BCAS3: variants seen among roughly 807,000 people sequenced by gnomAD.
BCAS3 encodes the protein BCAS4/BCAS3 fusion.
A neutral mutation model predicts 116.1 loss-of-function variants in BCAS3; 53 were observed. The ratio of observed to expected loss-of-function variants is 0.46; its 90% CI spans 0.37 to 0.57. BCAS3 has a LOEUF of 0.57. Ranked by LOEUF, BCAS3 falls within the 20% of genes least tolerant of loss-of-function variation. BCAS3 has a pLI of 0.00. For synonymous variants in BCAS3, 391 were observed against 408.2 expected, an observed-to-expected ratio of 0.96 and a Z score of 0.51; for missense variants, 917 against 1,165.4, an observed-to-expected ratio of 0.79 and a Z score of 3.10.
intron 6 of BCAS3, among the ~76,000 whole-genome samples, chr17:60,760,831 T>C (rs1346444895): frequency 1.3e-5 from 2 of 152,172 alleles, no homozygotes; most frequent in Non-Finnish European, 2.9e-5. Flanking sequence ...TTCATCCTTA[T>C]GGATACCAGC....
At chr17:61,011,423 T>G (rs775530345) in intron 15 of BCAS3, among the ~76,000 whole-genome samples, 7 of 152,018 alleles carry the variant, frequency 4.6e-5, no homozygotes, top group Non-Finnish European at 1.5e-5. Flanking sequence ...AAAGATCTAT[T>G]TTTAAAGTTA....
At chr17:61,289,586 C>T (rs530770923) in intron 22 of BCAS3, among the ~76,000 whole-genome samples, 1 of 152,134 alleles carries the variant, frequency 6.6e-6, no homozygotes, top group Non-Finnish European at 1.5e-5. Flanking sequence ...TCCCCAAGTA[C>T]AGAGATGAAG....
intron 5 of BCAS3, among the ~76,000 whole-genome samples, chr17:60,739,022 C>T (rs1232303294): frequency 2.6e-5 from 4 of 151,968 alleles, no homozygotes; most frequent in Non-Finnish European, 4.4e-5. Context: ...CTTAGCATAT[C>T]ATTTTTACTA....
intron 14 of BCAS3, among the ~76,000 whole-genome samples, chr17:60,959,505 T>A (rs2061313134): frequency 6.6e-6 from 1 of 152,160 alleles, no homozygotes; most frequent in Non-Finnish European, 1.5e-5. Context: ...CTCCCCACAG[T>A]CAGTGAATAG....
At chr17:60,948,377 G>T (rs149607281) in intron 14 of BCAS3, among the ~76,000 whole-genome samples, 1,727 of 152,234 alleles carry the variant, frequency 0.011, 39 homozygotes, top group African/African-American at 0.039. Context: ...ACCCACTTCA[G>T]CCTCCCAAAG....
chr17:61,217,526 C>A lies in BCAS3; in HGVS notation c.2425+132962C>A, dbSNP rs894210749. On this transcript the variant is annotated intron_variant, in intron 22 of 23. Coordinates refer to ENST00000407086, the MANE Select transcript of BCAS3 (RefSeq NM_017679.5). The surrounding 1 kb of genome is among the most constrained non-coding windows in gnomAD (Gnocchi z 5.2). Reference sequence around the variant, plus strand: ...GGAAATCTTTCTTGAACAAGATAAACAGGAACTAAGAGCAGAAATGCTTTC... The same window carrying A: ...GGAAATCTTTCTTGAACAAGATAAAAAGGAACTAAGAGCAGAAATGCTTTC... Among the ~76,000 whole-genome samples the A allele has an allele frequency of 6.6e-6, 1 of 152,090 alleles. No individual in the cohort carries two copies. The highest frequency in any genetic ancestry group is 1.5e-5 in the Non-Finnish European group (1 of 68,016).
intron 6 of BCAS3, among the ~76,000 whole-genome samples, chr17:60,795,021 C>G (rs1170341802): frequency 6.6e-6 from 1 of 152,142 alleles, no homozygotes; most frequent in African/African-American, 2.4e-5. Flanking sequence ...AATATTGATT[C>G]TACCCATCTG....
rs191599019 is a variant in BCAS3 at position 60,758,927 on chromosome 17, A to T, written c.403+11648A>T. 1.2e-3 allele frequency among the ~76,000 whole-genome samples: 179 copies of T among 151,630 alleles called. 1 individual carries two copies. The highest frequency in any genetic ancestry group is 6.9e-3 in the Middle Eastern group (2 of 288). ...TAATTTCCATGTATTTGTATAGTTT[A>T]CAAAATTCATTTTGATGTTGATACT... On this transcript the variant is annotated intron_variant, in intron 6 of 23. Transcript: ENST00000407086.
At chr17:61,155,234 A>G (rs1311106206) in intron 22 of BCAS3, among the ~76,000 whole-genome samples, 1 of 152,136 alleles carries the variant, frequency 6.6e-6, no homozygotes, top group African/African-American at 2.4e-5. Flanking sequence ...ATTTTAAAAC[A>G]CACAGTTTGA....
intron 6 of BCAS3, among the ~76,000 whole-genome samples, chr17:60,769,235 C>T (rs190025717): frequency 1.8e-4 from 28 of 152,250 alleles, no homozygotes; most frequent in Middle Eastern, 3.4e-3. Context: ...CTGTGATAGG[C>T]AGGGGCAGGA....
chr17:61,046,095 TA>T (rs1330043774), intron 19 of BCAS3, among the ~76,000 whole-genome samples: 2 of 50,450 alleles, frequency 4.0e-5, no homozygotes, highest in Non-Finnish European at 6.5e-5. Context: ...TATATATATA[TA>T]ATATATATAT....
intron 7 of BCAS3, among the ~76,000 whole-genome samples, chr17:60,857,991 G>A (rs1178620544): frequency 2.0e-5 from 3 of 151,846 alleles, no homozygotes; most frequent in South Asian, 2.1e-4. Flanking sequence ...TGAAGTGATC[G>A]GAGTTCCAGT....
chr17:60,926,388 C>A (rs1648065306), intron 13 of BCAS3, among the ~76,000 whole-genome samples: 1 of 152,032 alleles, frequency 6.6e-6, no homozygotes, highest in Non-Finnish European at 1.5e-5. Context: ...TTCTTTTCAT[C>A]TTTTCAAATA....
At chr17:60,911,952 T>C (rs1258145752) in intron 12 of BCAS3, among the ~76,000 whole-genome samples, 1 of 152,188 alleles carries the variant, frequency 6.6e-6, no homozygotes, top group Non-Finnish European at 1.5e-5. Flanking sequence ...AGATACAGTG[T>C]TCTGTAATTT....
At position 60,802,240 on chromosome 17, in the gene BCAS3, C is replaced by T. The variant is rs182995883; in HGVS notation, c.404-5764C>T. ...CAGAGGTTACAGTGAGCCAAAATCA[C>T]GCCACTGCACTCCAGCCTGTGCAAC... On this transcript the variant is annotated intron_variant, in intron 6 of 23. Coordinates refer to ENST00000407086, the MANE Select transcript of BCAS3 (RefSeq NM_017679.5). Among the ~76,000 whole-genome samples, 259 of 148,664 alleles carry T rather than the reference C, an allele frequency of 1.7e-3. 1 individual carries two copies. Among genetic ancestry groups the T allele is most frequent in the African/African-American group, 5.9e-3 (237 of 39,946 alleles).
intron 8 of BCAS3, among the ~76,000 whole-genome samples, chr17:60,870,257 A>G (rs561961053): frequency 6.6e-6 from 1 of 152,260 alleles, no homozygotes; most frequent in East Asian, 1.9e-4. Context: ...AGGAAGGTAG[A>G]GCTTATTCGG....
At chr17:61,049,237 G>C (rs1353323933) in intron 19 of BCAS3, among the ~76,000 whole-genome samples, 1 of 151,990 alleles carries the variant, frequency 6.6e-6, no homozygotes, top group South Asian at 2.1e-4. Context: ...GGAAGTCAAG[G>C]CTGCAGTGAA....
chr17:61,031,949 T>C (rs2066672731), intron 16 of BCAS3, among the ~76,000 whole-genome samples: 1 of 152,168 alleles, frequency 6.6e-6, no homozygotes, highest in South Asian at 2.1e-4. Flanking sequence ...TACTTGTGTG[T>C]TCCAAAACAG....
In BCAS3 at chr17:61,008,891, AGTCACATT is replaced by A. The variant is rs1282980402; in HGVS notation, c.1487-6858_1487-6851del. Among the ~76,000 whole-genome samples the A allele has an allele frequency of 2.0e-5, 3 of 151,972 alleles. No homozygotes were observed. The highest frequency in any genetic ancestry group is 1.5e-5 in the Non-Finnish European group (1 of 67,940). On this transcript the variant is annotated intron_variant, in intron 15 of 23. Transcript: ENST00000407086. This position sits in a 1 kb window ranked among gnomAD's most constrained non-coding sequence, Gnocchi z 4.6. ...AATTGTCTTCTGAGGAGTGCCAGAG[AGTCACATT>A]GACCTCGGGCTTCAGTGTGGCTCAG... is the stretch of plus-strand genomic sequence containing the variant.
Sources: gnomAD v4.1 joint callset for allele counts (sites outside exome capture counted in the v4.1 genomes callset) on GRCh38, gnomAD v4.1.1 for gene constraint, Gnocchi (gnomAD v3.1) non-coding constraint, MANE v1.5 for transcripts, NCBI Gene and HGNC (gene_info 2026-07-23, HGNC 2026-07-21) for gene names.